HOXA5: variants seen among roughly 807,000 people sequenced by gnomAD.
HOXA5 encodes homeobox protein Hox-A5.
Under a neutral mutation model 20.0 loss-of-function variants are expected in HOXA5, and 12 were observed. That is an observed-to-expected ratio of 0.60 (90% CI 0.38 to 0.97). The LOEUF (loss-of-function observed/expected upper bound fraction) is 0.97, where lower values mean the gene tolerates loss of function less well. Ranked by LOEUF, HOXA5 falls within the 50% of genes least tolerant of loss-of-function variation. HOXA5 has a pLI of 0.00. For synonymous variants in HOXA5, 159 were observed against 157.7 expected (o/e 1.01, Z -0.06); for missense variants, 352 against 380.3 (o/e 0.93, Z 0.62).
At position 27,143,495 on chromosome 7, in the gene HOXA5, G is replaced by C; in HGVS notation, c.113C>G (p.Ala38Gly). Residue 38 changes from alanine to glycine, a missense_variant, in exon 1 of 2, where the codon GCG becomes GGG. This residue lies in a region of HOXA5 where 319 missense variants were observed against 336.5 expected (regional missense o/e 0.95). Coordinates refer to ENST00000222726, the MANE Select transcript of HOXA5 (RefSeq NM_019102.4). ...GCCGTACCTGCCGGAGTGCATGCTC[G>C]CCGAGTCCCTGAATTGCTCGCTCAC... ...SSVSEQFRDS[A>G]SMHSGRYGYG... The C allele has an allele frequency of 6.2e-7, 1 of 1,613,860 alleles. No homozygotes were observed. The highest frequency in any genetic ancestry group is 1.3e-5 in the African/African-American group (1 of 75,020).
Position 27,141,920 on chromosome 7 carries a change from A to G in HOXA5, c.728T>C (p.Phe243Ser). Residue 243 changes from phenylalanine (F) to serine (S), a missense_variant, in exon 2 of 2, where the codon TTC (phenylalanine) becomes TCC (serine). Physicochemically the swap from Phe to Ser is radical, Grantham distance 155 (BLOSUM62 -2). This residue lies in a region of HOXA5 where 3 missense variants were observed against 17.7 expected (regional missense o/e 0.17). Coordinates refer to ENST00000222726, the MANE Select transcript of HOXA5 (RefSeq NM_019102.4). ...TTTCCACTTCATTCTCCGGTTTTGGAACCAGATTTTAATTTGTCTCTCGGA... is the reference window on the plus strand; with the variant it reads ...TTTCCACTTCATTCTCCGGTTTTGGGACCAGATTTTAATTTGTCTCTCGGA... ...CLSERQIKIWFQNRRMKWKKD... is the reference protein window; with the variant it reads ...CLSERQIKIWSQNRRMKWKKD... The G allele has an allele frequency of 6.2e-7, 1 of 1,614,148 alleles. No individual in the cohort carries two copies. Among genetic ancestry groups the G allele is most frequent in the Non-Finnish European group, 8.5e-7 (1 of 1,180,028 alleles).
Position 27,143,299 on chromosome 7 carries a change from G to T in HOXA5, c.309C>A (p.Cys103Ter). ...TGCCGGGCGAGGGGGCCACGGCGGA[G>T]CAGGGCAGCGGATCGGGCTGAGGAG... is the stretch of plus-strand genomic sequence containing the variant. ...THSPQPDPLP[C>*]SAVAPSPGSD... The change falls in exon 1 of 2, where the codon TGC becomes TGA. Residue 103 changes from cysteine to a stop codon, truncating the protein, a stop_gained. Transcript: ENST00000222726. LOFTEE classifies it high-confidence loss of function. The T allele has an allele frequency of 6.2e-7, 1 of 1,602,000 alleles. No homozygotes were observed. Among genetic ancestry groups the T allele is most frequent in the Non-Finnish European group, 8.5e-7 (1 of 1,176,908 alleles).
chr7:27,142,407 G>T (rs997010498), intron 1 of HOXA5, among the ~76,000 whole-genome samples: 2 of 152,236 alleles, frequency 1.3e-5, no homozygotes, highest in South Asian at 2.1e-4. Flanking sequence ...GCTGCCCACC[G>T]CACAGAAACC....
chr7:27,142,898 A>C (rs977467647), intron 1 of HOXA5, 148 bp downstream of exon 1: 8 of 700,382 alleles, frequency 1.1e-5, no homozygotes, highest in Non-Finnish European at 1.9e-5. Flanking sequence ...GGAAGGAGGA[A>C]GGCAGGGGAG....
chr7:27,143,189 CTG>C lies in HOXA5; in HGVS notation c.417_418del (p.Ser139ArgfsTer49). On this transcript the variant is annotated frameshift_variant, in exon 1 of 2. Coordinates refer to ENST00000222726, the MANE Select transcript of HOXA5 (RefSeq NM_019102.4). LOFTEE classifies it high-confidence loss of function. ...TCCGGACGCCGTGCCAACCCCCTCTCTGCTGCTGATGTGGGTGCTGCCGGCGT... is the reference window on the plus strand; with the variant it reads ...TCCGGACGCCGTGCCAACCCCCTCTCCTGCTGATGTGGGTGCTGCCGGCGT... 6.2e-7 allele frequency: 1 copy of C among 1,611,508 alleles called. No homozygotes were observed. The highest frequency in any genetic ancestry group is 8.5e-7 in the Non-Finnish European group (1 of 1,179,234).
rs1782642383 is a variant in HOXA5 at position 27,143,340 on chromosome 7, C to T, written c.268G>A (p.Ala90Thr). 4.4e-6 allele frequency: 7 copies of T among 1,593,792 alleles called. No homozygotes were observed. The highest frequency in any genetic ancestry group is 1.7e-5 in the Admixed American group (1 of 58,074). The change falls in exon 1 of 2, where the codon GCC (alanine) becomes ACC (threonine). Residue 90 changes from alanine to threonine, a missense_variant. Around this residue, in one of 3 missense-constraint regions of HOXA5, gnomAD observed 319 missense variants for 336.5 expected, o/e 0.95. Transcript: ENST00000222726. Reference sequence around the variant, plus strand: ...GGCTGAGGAGAGTGCGTGGACGTGGCCGGCTGGCTGTACCTGGGCTCGGCG... The same window carrying T: ...GGCTGAGGAGAGTGCGTGGACGTGGTCGGCTGGCTGTACCTGGGCTCGGCG... ...APAEPRYSQP[A>T]TSTHSPQPDP...
chr7:27,141,890 T>A lies in HOXA5; in HGVS notation c.758A>T (p.Asp253Val). 1.2e-6 allele frequency: 2 copies of A among 1,614,232 alleles called. No individual in the cohort carries two copies. The highest frequency in any genetic ancestry group is 1.7e-6 in the Non-Finnish European group (2 of 1,180,042). The change falls in exon 2 of 2, where the codon GAT (aspartate) becomes GTT (valine). Residue 253 changes from aspartate (D) to valine (V), a missense_variant. Physicochemically the swap from Asp to Val is radical, Grantham distance 152 (BLOSUM62 -3). Transcript: ENST00000222726. ...CATGCTCATGCTTTTCAGCTTATTA[T>A]CTTTTTTCCACTTCATTCTCCGGTT... ...FQNRRMKWKK[D>V]NKLKSMSMAA...
intron 1 of HOXA5, 130 bp from the exon 2 acceptor site, chr7:27,142,215 C>A (rs1277861396): frequency 9.8e-6 from 9 of 917,866 alleles, no homozygotes; most frequent in Middle Eastern, 2.2e-4. Context: ...AGCCCGCACA[C>A]CCCTCCCGAA....
At chr7:27,142,926 G>A (rs1338795663) in intron 1 of HOXA5, 120 bp downstream of exon 1, 2 of 930,122 alleles carry the variant, frequency 2.2e-6, no homozygotes, top group African/African-American at 3.5e-5. Context: ...GGCAAGGAGA[G>A]CTCCGCAGGG....
Position 27,143,034 on chromosome 7 carries a change from G to A in HOXA5, c.562+12C>T, listed in dbSNP as rs1412552202. 2.7e-6 allele frequency: 4 copies of A among 1,500,630 alleles called. No individual in the cohort carries two copies. In the South Asian group the frequency reaches 4.1e-5, roughly 15 times the overall value. 93.0% of individuals were successfully genotyped at this position (1,500,630 alleles called of 1,614,324 possible). On this transcript the variant is annotated intron_variant, in intron 1 of 1. Transcript: ENST00000222726. ...CCGCGGTCGCGTGGATTTAGAAAAA[G>A]GCTGGCTTTACCATGACTTATGTGC...
In HOXA5 at chr7:27,141,728, C is replaced by G. The variant is rs913189013; in HGVS notation, c.*107G>C. On this transcript the variant is annotated 3_prime_UTR_variant, in exon 2 of 2. Coordinates refer to ENST00000222726, the MANE Select transcript of HOXA5 (RefSeq NM_019102.4). Reference sequence around the variant, plus strand: ...AAAAGATGAATTAGGGCAACGAGAACAGGGCTTCTTCACAGAAGGAACACA... The same window carrying G: ...AAAAGATGAATTAGGGCAACGAGAAGAGGGCTTCTTCACAGAAGGAACACA... 4 of 1,401,358 alleles carry G rather than the reference C, an allele frequency of 2.9e-6. No individual in the cohort carries two copies. The highest frequency in any genetic ancestry group is 1.4e-5 in the African/African-American group (1 of 69,502). 86.8% of individuals were successfully genotyped at this position (1,401,358 alleles called of 1,614,324 possible).
chr7:27,143,413 G>C lies in HOXA5; in HGVS notation c.195C>G (p.Gly65=), dbSNP rs760180381. The C allele has an allele frequency of 6.2e-7, 1 of 1,611,558 alleles. No individual in the cohort carries two copies. Among genetic ancestry groups the C allele is most frequent in the Non-Finnish European group, 8.5e-7 (1 of 1,179,526 alleles). ...SVGRSGSGHF[G]SGERARSYAA... ...CGTAGCTGCGGGCGCGCTCTCCGGA[G>C]CCAAAGTGGCCGGAGCCCGAGCGGC... The change falls in exon 1 of 2, where the codon GGC becomes GGG. Residue 65 remains glycine (G), a synonymous_variant. Transcript: ENST00000222726.
chr7:27,143,239 G>C lies in HOXA5; in HGVS notation c.369C>G (p.Ser123Arg). Residue 123 changes from serine to arginine, a missense_variant, in exon 1 of 2, where the codon AGC (serine) becomes AGG (arginine). Physicochemically the swap from Ser to Arg is moderately radical, Grantham distance 110. This residue lies in a region of HOXA5 where 319 missense variants were observed against 336.5 expected (regional missense o/e 0.95). Coordinates refer to ENST00000222726, the MANE Select transcript of HOXA5 (RefSeq NM_019102.4). ...DSHHGGKNSLSNSSGASADAG... is the reference protein window; with the variant it reads ...DSHHGGKNSLRNSSGASADAG... ...CGTCGGCCGAGGCGCCGCTGGAGTT[G>C]CTTAGGGAGTTTTTCCCGCCGTGGT... The C allele has an allele frequency of 6.2e-7, 1 of 1,609,650 alleles. No homozygotes were observed.
At position 27,141,707 on chromosome 7, in the gene HOXA5, G is replaced by C; in HGVS notation, c.*128C>G. 2.5e-6 allele frequency: 3 copies of C among 1,187,526 alleles called. No homozygotes were observed. Among genetic ancestry groups the C allele is most frequent in the Non-Finnish European group, 3.6e-6 (3 of 841,770 alleles). 73.6% of individuals were successfully genotyped at this position (1,187,526 alleles called of 1,614,324 possible). On this transcript the variant is annotated 3_prime_UTR_variant, in exon 2 of 2. Transcript: ENST00000222726. ...GCAATAAACAGGCTCATGATTAAAA[G>C]ATGAATTAGGGCAACGAGAACAGGG...
rs769142318 is a variant in HOXA5 at position 27,141,848 on chromosome 7, G to T, written c.800C>A (p.Ala267Asp). The T allele has an allele frequency of 3.1e-6, 5 of 1,614,000 alleles. No individual in the cohort carries two copies. The highest frequency in any genetic ancestry group is 3.4e-6 in the Non-Finnish European group (4 of 1,180,024). The stretch of plus-strand genomic sequence containing the variant: ...ACGCTCAGATACTCAGGGACGGAAG[G>T]CCCCTCCTGCCGCGGCCATGCTCAT... ...KSMSMAAAGG[A>D]FRP The change falls in exon 2 of 2, where the codon GCC becomes GAC. Residue 267 changes from alanine to aspartate, a missense_variant. Physicochemically the swap from Ala to Asp is moderately radical, Grantham distance 126 (BLOSUM62 -2). Transcript: ENST00000222726.
Position 27,143,641 on chromosome 7 carries a change from C to A in HOXA5, c.-34G>T. On this transcript the variant is annotated 5_prime_UTR_variant, in exon 1 of 2. Coordinates refer to ENST00000222726, the MANE Select transcript of HOXA5 (RefSeq NM_019102.4). ...TGATATGTGTGCTTGATTTGTGGCTCGCGGTCGTTTGTGCGTCTATAGCAC... is the reference window on the plus strand; with the variant it reads ...TGATATGTGTGCTTGATTTGTGGCTAGCGGTCGTTTGTGCGTCTATAGCAC... The A allele has an allele frequency of 6.4e-7, 1 of 1,556,768 alleles. No individual in the cohort carries two copies. The highest frequency in any genetic ancestry group is 8.7e-7 in the Non-Finnish European group (1 of 1,149,920).
Position 27,141,113 on chromosome 7 carries a change from C to CAAAAAAACAAAAAA in HOXA5, c.*721_*722insTTTTTTGTTTTTTT. On this transcript the variant is annotated 3_prime_UTR_variant, in exon 2 of 2. Transcript: ENST00000222726. ...AGTATTTTTTCCTTAAAAACAAATA[C>CAAAAAAACAAAAAA]AAAAAAAAAAAAAAAAAAAAAAAAG... 1.2e-5 allele frequency: 1 copy of CAAAAAAACAAAAAA among 82,942 alleles called. No individual in the cohort carries two copies. Among genetic ancestry groups the CAAAAAAACAAAAAA allele is most frequent in the Non-Finnish European group, 2.2e-5 (1 of 44,666 alleles). 5.1% of individuals were successfully genotyped at this position (82,942 alleles called of 1,614,324 possible).
Position 27,143,077 on chromosome 7 carries a change from G to A in HOXA5, c.531C>T (p.Tyr177=), listed in dbSNP as rs778055930. 7.8e-6 allele frequency: 12 copies of A among 1,547,208 alleles called. No individual in the cohort carries two copies. The Admixed American group carries it at 8.4e-5, about 11-fold the overall frequency. The change falls in exon 1 of 2, where the codon TAC becomes TAT. Residue 177 remains tyrosine (Y), a synonymous_variant. Coordinates refer to ENST00000222726, the MANE Select transcript of HOXA5 (RefSeq NM_019102.4). ...TTATGTGCAGCTTGCGCATCCAGGGGTAGATCTGGGGTTGGGCGGGCGGCG... is the reference window on the plus strand; with the variant it reads ...TTATGTGCAGCTTGCGCATCCAGGGATAGATCTGGGGTTGGGCGGGCGGCG... ...SPAPPAQPQI[Y]PWMRKLHISH...
In HOXA5 at chr7:27,143,431, C is replaced by T; in HGVS notation, c.177G>A (p.Ser59=). 1 of 1,612,844 alleles carries T rather than the reference C, an allele frequency of 6.2e-7. No individual in the cohort carries two copies. The highest frequency in any genetic ancestry group is 8.5e-7 in the Non-Finnish European group (1 of 1,179,760). Residue 59 remains serine, a synonymous_variant, in exon 1 of 2, where the codon TCG becomes TCA. Transcript: ENST00000222726. ...YNGMDLSVGR[S]GSGHFGSGER... is the part of the protein sequence containing the mutation. Reference sequence around the variant, plus strand: ...CTCCGGAGCCAAAGTGGCCGGAGCCCGAGCGGCCGACGCTGAGATCCATGC... The same window carrying T: ...CTCCGGAGCCAAAGTGGCCGGAGCCTGAGCGGCCGACGCTGAGATCCATGC...
Sources: gnomAD v4.1 joint callset for allele counts (sites outside exome capture counted in the v4.1 genomes callset) on GRCh38, gnomAD v4.1.1 for gene constraint, gnomAD v4.1.1 regional missense constraint, MANE v1.5 for transcripts, NCBI Gene and HGNC (gene_info 2026-07-23, HGNC 2026-07-21) for gene names.